GCNA: variants seen among roughly 807,000 people sequenced by gnomAD.
The protein encoded by GCNA is germ cell nuclear acidic peptidase, also known as germ cell nuclear acidic protein.
A neutral mutation model predicts 38.8 loss-of-function variants in GCNA; 3 were observed. The ratio of observed to expected loss-of-function variants is 0.08; its 90% CI spans 0.04 to 0.20. The LOEUF (loss-of-function observed/expected upper bound fraction) is 0.20, where lower values mean the gene tolerates loss of function less well. Ranked by LOEUF, GCNA falls within the 10% of genes least tolerant of loss-of-function variation. GCNA has a pLI of 1.00. For synonymous variants in GCNA, 195 were observed against 240.2 expected (o/e 0.81, Z 1.74); for missense variants, 446 against 578.6 (o/e 0.77, Z 2.35).
At chrX:71,580,946 G>T in intron 2 of GCNA, 66 bp downstream of exon 2, 1 of 1,027,332 alleles carries the variant, frequency 9.7e-7, no homozygotes, top group Admixed American at 2.6e-5. Flanking sequence ...CAGCTTTCTC[G>T]AGAAGTATGT....
At chrX:71,598,094 G>A (rs2040685817) in intron 7 of GCNA, 56 bp downstream of exon 7, 7 of 922,146 alleles carry the variant, frequency 7.6e-6, no homozygotes, top group South Asian at 2.1e-5. Context: ...CTCATCACAC[G>A]TGGTACTTTC....
chrX:71,585,402 G>T (rs1318346994), intron 2 of GCNA, among the ~76,000 whole-genome samples: 1 of 111,336 alleles, frequency 9.0e-6, no homozygotes, highest in African/African-American at 3.3e-5. Context: ...AGTGCCCAGG[G>T]TGGATCGTTA....
chrX:71,605,832 G>A (rs2040765317), intron 9 of GCNA, 103 bp downstream of exon 9: 6 of 678,520 alleles, frequency 8.8e-6, no homozygotes, highest in Non-Finnish European at 1.1e-5. Flanking sequence ...AGGGGATGGA[G>A]TCTGGCTGGG....
chrX:71,611,308 A>G (rs2040808386), intron 11 of GCNA, among the ~76,000 whole-genome samples: 1 of 111,629 alleles, frequency 9.0e-6, no homozygotes, highest in African/African-American at 3.3e-5. Flanking sequence ...GGCTTGGCCA[A>G]TCTTGTCTCT....
At position 71,604,549 on chromosome X, in the gene GCNA, G is replaced by A. The variant is rs375608182; in HGVS notation, c.1272G>A (p.Pro424=). The A allele has an allele frequency of 1.1e-5, 13 of 1,191,681 alleles. No homozygotes were observed. Among genetic ancestry groups the A allele is most frequent in the East Asian group, 6.0e-5 (2 of 33,119 alleles). Residue 424 remains proline, a synonymous_variant, in exon 8 of 13, where the codon CCG becomes CCA. Coordinates refer to ENST00000373696, the MANE Select transcript of GCNA (RefSeq NM_052957.5). ...KSKTKTIVEP[P]RKRQTKTKNI... ...AAACCAAAACTATTGTGGAGCCACC[G>A]AGGAAAAGGCAGACAAAGACCAAAA...
intron 7 of GCNA, among the ~76,000 whole-genome samples, chrX:71,600,286 G>C (rs2040702897): frequency 9.1e-6 from 1 of 109,960 alleles, no homozygotes; most frequent in African/African-American, 3.3e-5. Context: ...CCAACACAGA[G>C]TTGTCAATTT....
Position 71,612,856 on chromosome X carries a change from T to G in GCNA, c.1956-6T>G. On this transcript the variant is annotated splice_region_variant and splice_polypyrimidine_tract_variant and intron_variant, in intron 12 of 12. Transcript: ENST00000373696. The stretch of plus-strand genomic sequence containing the variant: ...TTTTGTTGTGTGTTGTTCCATTCCT[T>G]CCCAGGATTGGCTGCTACACCAAAT... The G allele has an allele frequency of 3.3e-6, 4 of 1,209,632 alleles. No homozygotes were observed. The highest frequency in any genetic ancestry group is 4.5e-6 in the Non-Finnish European group (4 of 894,537).
intron 1 of GCNA, among the ~76,000 whole-genome samples, chrX:71,579,844 G>T (rs182493034): frequency 1.7e-3 from 183 of 107,069 alleles, no homozygotes; most frequent in African/African-American, 6.0e-3. Flanking sequence ...GAATGGTGGG[G>T]GTAGGGTCCA....
At chrX:71,593,328 G>A (rs1004446477) in intron 4 of GCNA, among the ~76,000 whole-genome samples, 28 of 111,696 alleles carry the variant, frequency 2.5e-4, no homozygotes, top group Non-Finnish European at 4.9e-4. Context: ...GTAGCCAGGC[G>A]CCACATTGGA....
At chrX:71,587,818 G>A (rs1413652764) in intron 2 of GCNA, among the ~76,000 whole-genome samples, 2 of 108,761 alleles carry the variant, frequency 1.8e-5, no homozygotes, top group Non-Finnish European at 3.8e-5. Context: ...TTGCTCTGTC[G>A]CCCAGGCTGG....
chrX:71,603,552 G>A, intron 7 of GCNA, 36 bp from the exon 8 acceptor site: 1 of 1,186,025 alleles, frequency 8.4e-7, no homozygotes, highest in Non-Finnish European at 1.1e-6. Context: ...GGTAGAGGGA[G>A]TATATTTACA....
intron 8 of GCNA, among the ~76,000 whole-genome samples, chrX:71,604,910 G>T (rs1469486507): frequency 1.8e-5 from 2 of 112,153 alleles, no homozygotes; most frequent in Non-Finnish European, 3.8e-5. Flanking sequence ...CTAGCCTAGA[G>T]TGCTGTCTCC....
chrX:71,608,523 C>T (rs1456595381), intron 9 of GCNA, among the ~76,000 whole-genome samples: 1 of 112,445 alleles, frequency 8.9e-6, no homozygotes, highest in Non-Finnish European at 1.9e-5. Context: ...CCGCCTGCCT[C>T]GGCCTCCCAA....
At chrX:71,590,016 C>T (rs771437688) in intron 2 of GCNA, among the ~76,000 whole-genome samples, 2 of 109,334 alleles carry the variant, frequency 1.8e-5, no homozygotes, top group East Asian at 5.7e-4. Context: ...GTAATCCTCC[C>T]GCCTTAGCCT....
At chrX:71,579,204 G>T in intron 1 of GCNA, among the ~76,000 whole-genome samples, 1 of 103,652 alleles carries the variant, frequency 9.6e-6, no homozygotes, top group Non-Finnish European at 2.0e-5. Flanking sequence ...CCCCAGTGGT[G>T]GTGTAGGAAC....
At position 71,604,503 on chromosome X, in the gene GCNA, A is replaced by C. The variant is rs1222436412; in HGVS notation, c.1226A>C (p.Gln409Pro). 5.0e-6 allele frequency: 6 copies of C among 1,197,081 alleles called. No individual in the cohort carries two copies. Among genetic ancestry groups the C allele is most frequent in the Middle Eastern group, 2.3e-4 (1 of 4,364 alleles). ...TEEEPAPVVEQSGKRKSKTKT... is the reference protein window; with the variant it reads ...TEEEPAPVVEPSGKRKSKTKT... ...GAAGAGCCTGCACCTGTGGTGGAAC[A>C]ATCAGGGAAAAGGAAGTCAAAAACC... The change falls in exon 8 of 13, where the codon CAA becomes CCA. Residue 409 changes from glutamine (Q) to proline (P), a missense_variant. Physicochemically the swap from Gln to Pro is moderately conservative, Grantham distance 76. Around this residue, in one of 7 missense-constraint regions of GCNA, gnomAD observed 160 missense variants for 165.2 expected, o/e 0.97. Coordinates refer to ENST00000373696, the MANE Select transcript of GCNA (RefSeq NM_052957.5).
chrX:71,609,140 G>T (rs1239011771), intron 10 of GCNA, 23 bp downstream of exon 10: 2 of 1,183,468 alleles, frequency 1.7e-6, no homozygotes, highest in Non-Finnish European at 2.3e-6. Context: ...AATGAGCACT[G>T]ATTGAGCACC....
intron 9 of GCNA, among the ~76,000 whole-genome samples, chrX:71,606,276 G>A (rs2040768758): frequency 2.7e-5 from 3 of 112,123 alleles, no homozygotes; most frequent in African/African-American, 9.7e-5. Flanking sequence ...ATGTATATCT[G>A]TATGAATTTT....
At chrX:71,588,663 C>G (rs900691857) in intron 2 of GCNA, among the ~76,000 whole-genome samples, 1 of 110,486 alleles carries the variant, frequency 9.1e-6, no homozygotes, top group Non-Finnish European at 1.9e-5. Context: ...CCCATCTCTA[C>G]TAAAAATACA....
Sources: gnomAD v4.1 joint callset for allele counts (sites outside exome capture counted in the v4.1 genomes callset) on GRCh38, gnomAD v4.1.1 for gene constraint, gnomAD v4.1.1 regional missense constraint, MANE v1.5 for transcripts, NCBI Gene and HGNC (gene_info 2026-07-23, HGNC 2026-07-21) for gene names.